TPRG1: variants seen among roughly 807,000 people sequenced by gnomAD.
TPRG1 encodes the protein tumor protein p63-regulated gene 1 protein.
Under a neutral mutation model 29.3 loss-of-function variants are expected in TPRG1, and 29 were observed. That is an observed-to-expected ratio of 0.99 (90% CI 0.74 to 1.35). The LOEUF (loss-of-function observed/expected upper bound fraction) is 1.35. Ranked by LOEUF, TPRG1 falls within the 40% of genes most tolerant of loss-of-function variation. TPRG1 has a pLI of 0.00. For synonymous variants in TPRG1, 130 were observed against 116.8 expected (o/e 1.11, Z -0.73); for missense variants, 327 against 335.0 (o/e 0.98, Z 0.19).
At chr3:189,147,975 A>G (rs182699734) in intron 4 of TPRG1, among the ~76,000 whole-genome samples, 240 of 152,322 alleles carry the variant, frequency 1.6e-3, no homozygotes, top group Non-Finnish European at 2.6e-3. Context: ...CACAAACAGC[A>G]TAATCCTTTC....
Position 189,322,374 on chromosome 3 carries a change from A to C in TPRG1, c.*1554A>C, listed in dbSNP as rs747507624. 6.6e-6 allele frequency: 1 copy of C among 151,624 alleles called. No individual in the cohort carries two copies. The highest frequency in any genetic ancestry group is 1.5e-5 in the Non-Finnish European group (1 of 67,740). The allele number at this position is 151,624 out of a possible 1,614,324, so 9.4% of individuals were successfully genotyped here. On this transcript the variant is annotated 3_prime_UTR_variant, in exon 6 of 6. Coordinates refer to ENST00000345063, the MANE Select transcript of TPRG1 (RefSeq NM_198485.4). ...ATTTTGTCTTTGTTTACTTCCATTA[A>C]TTTTTTTTTCTTTCCCTCTCTTCCG... is the stretch of plus-strand genomic sequence containing the variant.
intron 4 of TPRG1, among the ~76,000 whole-genome samples, chr3:189,245,800 T>C (rs1741295283): frequency 6.6e-6 from 1 of 152,168 alleles, no homozygotes; most frequent in Non-Finnish European, 1.5e-5. Flanking sequence ...TCTAGTTTTC[T>C]TTTTAATTTT....
At chr3:189,275,915 G>A (rs1257285740) in intron 4 of TPRG1, among the ~76,000 whole-genome samples, 1 of 152,126 alleles carries the variant, frequency 6.6e-6, no homozygotes, top group African/African-American at 2.4e-5. Context: ...GTCTTCAGTG[G>A]GGAAGAGAGG....
At chr3:189,052,280 G>A (rs567232353) in intron 4 of TPRG1, among the ~76,000 whole-genome samples, 24 of 152,294 alleles carry the variant, frequency 1.6e-4, no homozygotes, top group Non-Finnish European at 2.8e-4. Context: ...AGTGGGTTAA[G>A]GACATGAACA....
chr3:189,066,943 A>G (rs552373354), intron 4 of TPRG1, among the ~76,000 whole-genome samples: 1 of 152,282 alleles, frequency 6.6e-6, no homozygotes, highest in East Asian at 1.9e-4. Flanking sequence ...CCAAAAAACT[A>G]TTAGAACTCA....
intron 5 of TPRG1, among the ~76,000 whole-genome samples, chr3:189,317,772 C>A (rs1169164420): frequency 6.6e-6 from 1 of 152,130 alleles, no homozygotes; most frequent in Non-Finnish European, 1.5e-5. Context: ...TGTATACTTA[C>A]AAAGGTATAT....
intron 1 of TPRG1, among the ~76,000 whole-genome samples, chr3:189,204,037 CAAAAAAAAAAA>C (rs35367828): frequency 1.2e-3 from 107 of 87,928 alleles, no homozygotes; most frequent in African/African-American, 4.2e-3. Flanking sequence ...GAGACTGTCT[CAAAAAAAAAAA>C]AAAAAAAAAA....
chr3:189,096,523 C>A (rs1275613813), upstream of TPRG1, among the ~76,000 whole-genome samples: 1 of 152,176 alleles, frequency 6.6e-6, no homozygotes, highest in East Asian at 1.9e-4. Flanking sequence ...TTTCTTCCTT[C>A]TGACCTGTTC....
chr3:189,195,958 T>A (rs1225258397), intron 1 of TPRG1, among the ~76,000 whole-genome samples: 1 of 152,212 alleles, frequency 6.6e-6, no homozygotes, highest in Non-Finnish European at 1.5e-5. Flanking sequence ...GTTTATTTAT[T>A]GTTCTGACTG....
At chr3:189,167,095 G>A (rs1410624409), upstream of TPRG1, among the ~76,000 whole-genome samples, 1 of 152,172 alleles carries the variant, frequency 6.6e-6, no homozygotes, top group African/African-American at 2.4e-5. Flanking sequence ...GGGCTGTGGT[G>A]GTTGCCTGAG....
chr3:189,240,257 A>C (rs2108952742), intron 4 of TPRG1: 1 of 152,232 alleles, frequency 6.6e-6, no homozygotes, highest in Admixed American at 6.5e-5. Flanking sequence ...CACATTGTAA[A>C]ATATATATTT....
intron 3 of TPRG1, among the ~76,000 whole-genome samples, chr3:189,237,296 C>T (rs919715418): frequency 3.3e-5 from 5 of 151,908 alleles, no homozygotes; most frequent in South Asian, 2.1e-4. Flanking sequence ...TGCACACACA[C>T]GCACACACAC....
At chr3:189,195,394 C>A (rs1380756099) in intron 1 of TPRG1, among the ~76,000 whole-genome samples, 2 of 152,112 alleles carry the variant, frequency 1.3e-5, no homozygotes, top group Non-Finnish European at 2.9e-5. Flanking sequence ...TTCACCTCTG[C>A]TCGACTCAAC....
chr3:189,088,699 G>A (rs1387498558), intron 4 of TPRG1, among the ~76,000 whole-genome samples: 7 of 152,092 alleles, frequency 4.6e-5, no homozygotes, highest in Admixed American at 3.3e-4. Flanking sequence ...CATTCAGAGA[G>A]CATTTGTGAT....
intron 3 of TPRG1, among the ~76,000 whole-genome samples, chr3:189,230,713 G>A (rs1415519093): frequency 6.6e-6 from 1 of 152,142 alleles, no homozygotes; most frequent in Non-Finnish European, 1.5e-5. Context: ...AGGAATAGGG[G>A]CTTGTTTTGT....
chr3:189,081,238 C>A (rs984016255), intron 4 of TPRG1, among the ~76,000 whole-genome samples: 1 of 151,778 alleles, frequency 6.6e-6, no homozygotes, highest in South Asian at 2.1e-4. Flanking sequence ...CATCAGTAGG[C>A]CATGAGAATG....
At chr3:189,096,686 T>A (rs1718701333), upstream of TPRG1, among the ~76,000 whole-genome samples, 1 of 152,238 alleles carries the variant, frequency 6.6e-6, no homozygotes, top group Non-Finnish European at 1.5e-5. Context: ...AAAAAATTCA[T>A]TAGTTCACAT....
chr3:189,236,919 A>C (rs962494783), intron 3 of TPRG1, among the ~76,000 whole-genome samples: 1 of 152,174 alleles, frequency 6.6e-6, no homozygotes, highest in Non-Finnish European at 1.5e-5. Flanking sequence ...TACCCAAGTC[A>C]CTTAGTGACA....
At chr3:189,242,752 T>C (rs73061026) in intron 4 of TPRG1, among the ~76,000 whole-genome samples, 32,462 of 151,858 alleles carry the variant, frequency 0.21, 3,806 homozygotes, top group African/African-American at 0.31. Flanking sequence ...GCCTGATCAT[T>C]TCTTGGTGGG....
Sources: gnomAD v4.1 joint callset for allele counts (sites outside exome capture counted in the v4.1 genomes callset) on GRCh38, gnomAD v4.1.1 for gene constraint, MANE v1.5 for transcripts, NCBI Gene and HGNC (gene_info 2026-07-23, HGNC 2026-07-21) for gene names.